Variants in EFCAB11 observed in about 807,000 individuals in gnomAD.
The protein encoded by EFCAB11 is EF-hand calcium binding domain 11, also known as EF-hand calcium-binding domain-containing protein 11.
EFCAB11 carries 14 observed loss-of-function variants against 23.0 expected under a neutral mutation model. That is an observed-to-expected ratio of 0.61 (90% CI 0.40 to 0.95). The LOEUF is 0.95. Among genes scored for constraint, EFCAB11 ranks in the 40% least tolerant of loss-of-function variants. The pLI is 0.00. For synonymous variants in EFCAB11, 65 were observed against 66.6 expected, an observed-to-expected ratio of 0.98 and a Z score of 0.11; for missense variants, 198 against 195.8, an observed-to-expected ratio of 1.01 and a Z score of -0.07.
chr14:89,948,974 A>C (rs556550087), intron 3 of EFCAB11, among the ~76,000 whole-genome samples: 44 of 152,262 alleles, frequency 2.9e-4, no homozygotes, highest in African/African-American at 9.6e-4. Context: ...AAAAATAACC[A>C]AAAGAGTATA....
intron 5 of EFCAB11, chr14:89,924,464 C>G: frequency 7.3e-7 from 1 of 1,377,132 alleles, no homozygotes; most frequent in Non-Finnish European, 9.4e-7. Flanking sequence ...CTTCCCAGAG[C>G]TTTTTGCCAA....
chr14:89,920,183 TACAG>T (rs1889978516), intron 5 of EFCAB11, among the ~76,000 whole-genome samples: 1 of 152,254 alleles, frequency 6.6e-6, no homozygotes, highest in Non-Finnish European at 1.5e-5. Context: ...GAATGCCTTC[TACAG>T]TTTGATGGAT....
At chr14:89,823,866 A>G (rs1215622989) in intron 5 of EFCAB11, among the ~76,000 whole-genome samples, 1 of 152,244 alleles carries the variant, frequency 6.6e-6, no homozygotes, top group South Asian at 2.1e-4. Context: ...GTAAAGACAC[A>G]GAAATAGAAA....
At chr14:89,854,162 C>G (rs1477557571) in intron 5 of EFCAB11, among the ~76,000 whole-genome samples, 1 of 151,280 alleles carries the variant, frequency 6.6e-6, no homozygotes, top group Non-Finnish European at 1.5e-5. Flanking sequence ...GGTATTTCCC[C>G]CGAGAAGATA....
intron 5 of EFCAB11, among the ~76,000 whole-genome samples, chr14:89,921,086 GAAAGA>G (rs1000923251): frequency 7.4e-6 from 1 of 134,518 alleles, no homozygotes; most frequent in African/African-American, 3.7e-5. Flanking sequence ...AGAAAAGAAA[GAAAGA>G]AAAGAAAGGC....
At chr14:89,883,409 T>G (rs1041470012) in intron 5 of EFCAB11, among the ~76,000 whole-genome samples, 10 of 152,228 alleles carry the variant, frequency 6.6e-5, no homozygotes, top group African/African-American at 2.4e-4. Context: ...GGACCTCCCA[T>G]GAACACTAAA....
chr14:89,853,088 C>A (rs1159251637), intron 5 of EFCAB11, among the ~76,000 whole-genome samples: 1 of 152,230 alleles, frequency 6.6e-6, no homozygotes, highest in East Asian at 1.9e-4. Flanking sequence ...TACATTCCAT[C>A]TGTTTGCCTG....
intron 5 of EFCAB11, chr14:89,924,827 C>T (rs1378412625): frequency 2.1e-6 from 2 of 967,428 alleles, no homozygotes; most frequent in Non-Finnish European, 3.0e-6. Flanking sequence ...ATAAATTAAA[C>T]CACGAAGAAA....
rs10530483 is a variant in EFCAB11, at chr14:89,881,452, C to CATATATATATATATAT, written c.410+50088_410+50089insATATATATATATATAT. Among the ~76,000 whole-genome samples, 268 of 46,738 alleles carry CATATATATATATATAT rather than the reference C, an allele frequency of 5.7e-3. 48 individuals carry two copies. The highest frequency in any genetic ancestry group is 0.013 in the East Asian group (22 of 1,638). 30.7% of individuals were successfully genotyped at this position (46,738 alleles called of 152,430 possible). ...ATTTTTGGTCTACTTTATGACTTGG[C>CATATATATATATATAT]ATATATATATATATTCTTTTTTTTT... is the stretch of plus-strand genomic sequence containing the variant. On this transcript the variant is annotated intron_variant, in intron 5 of 5. Transcript: ENST00000316738.
chr14:89,866,518 C>A (rs1011281838), intron 5 of EFCAB11, among the ~76,000 whole-genome samples: 1 of 152,246 alleles, frequency 6.6e-6, no homozygotes, highest in African/African-American at 2.4e-5. Context: ...TCAAGATTCA[C>A]CAGCCACTTC....
chr14:89,936,905 T>C (rs558753520), intron 3 of EFCAB11, among the ~76,000 whole-genome samples: 1 of 152,324 alleles, frequency 6.6e-6, no homozygotes, highest in East Asian at 1.9e-4. Context: ...TCACAAAGGC[T>C]TTCAGTAATT....
intron 3 of EFCAB11, chr14:89,938,128 T>C (rs1352054776): frequency 1.3e-5 from 2 of 152,194 alleles, no homozygotes; most frequent in Non-Finnish European, 2.9e-5. Flanking sequence ...GTCTAGCATC[T>C]GGCTATCACA....
intron 5 of EFCAB11, among the ~76,000 whole-genome samples, chr14:89,825,748 AAGAGAAAG>A (rs1490672665): frequency 6.6e-6 from 1 of 152,262 alleles, no homozygotes; most frequent in Admixed American, 6.5e-5. Flanking sequence ...TCGAAAAAAA[AAGAGAAAG>A]AGAGAAAGAG....
At chr14:89,888,844 T>C (rs1888873001) in intron 5 of EFCAB11, among the ~76,000 whole-genome samples, 1 of 152,204 alleles carries the variant, frequency 6.6e-6, no homozygotes, top group East Asian at 1.9e-4. Context: ...TATGGTATTT[T>C]TATTATAGCA....
intron 5 of EFCAB11, among the ~76,000 whole-genome samples, chr14:89,822,456 C>T (rs921914764): frequency 1.3e-4 from 20 of 152,150 alleles, no homozygotes; most frequent in Non-Finnish European, 1.9e-4. Flanking sequence ...ACAAATACTC[C>T]TAAATTTTCA....
intron 5 of EFCAB11, chr14:89,836,663 T>C (rs934140061): frequency 1.5e-5 from 7 of 456,612 alleles, no homozygotes; most frequent in African/African-American, 1.2e-4. Context: ...AATGTACATC[T>C]GTCAGGGTAG....
intron 5 of EFCAB11, among the ~76,000 whole-genome samples, chr14:89,928,199 C>T (rs1381735432): frequency 6.6e-6 from 1 of 152,058 alleles, no homozygotes; most frequent in Non-Finnish European, 1.5e-5. Flanking sequence ...GCATATACTC[C>T]ACAACATGAA....
intron 5 of EFCAB11, among the ~76,000 whole-genome samples, chr14:89,922,837 T>G (rs1436314278): frequency 1.3e-5 from 2 of 151,986 alleles, no homozygotes; most frequent in Non-Finnish European, 2.9e-5. Flanking sequence ...TATGAAAGAT[T>G]AGGAGTTTAA....
intron 5 of EFCAB11, among the ~76,000 whole-genome samples, chr14:89,892,699 C>T (rs1417367473): frequency 1.3e-5 from 2 of 151,996 alleles, no homozygotes; most frequent in African/African-American, 2.4e-5. Context: ...GTCAGGAGTT[C>T]GAGACCAGCC....
Sources: gnomAD v4.1 joint callset for allele counts (sites outside exome capture counted in the v4.1 genomes callset) on GRCh38, gnomAD v4.1.1 for gene constraint, MANE v1.5 for transcripts, NCBI Gene and HGNC (gene_info 2026-07-23, HGNC 2026-07-21) for gene names.